The following ZFPM1 variants were observed in gnomAD, a reference collection of about 807,000 sequenced individuals.
ZFPM1 encodes the protein zinc finger protein ZFPM1.
A neutral mutation model predicts 46.3 loss-of-function variants in ZFPM1; 28 were observed. That is an observed-to-expected ratio of 0.60 (90% CI 0.45 to 0.83). ZFPM1 has a LOEUF of 0.83. Among genes scored for constraint, ZFPM1 ranks in the 40% least tolerant of loss-of-function variants. ZFPM1 has a pLI of 0.00. For missense variants in ZFPM1, 1,878 were observed against 1,432.4 expected (o/e 1.31, Z -5.02); for synonymous variants, 957 against 675.9 (o/e 1.42, Z -6.45).
rs1212610480 is a variant in ZFPM1 at position 88,480,127 on chromosome 16, T to C, written c.41-5812T>C. Among the ~76,000 whole-genome samples, 1 of 151,822 alleles carries C rather than the reference T, an allele frequency of 6.6e-6. No individual in the cohort carries two copies. Among genetic ancestry groups the C allele is most frequent in the Non-Finnish European group, 1.5e-5 (1 of 67,970 alleles). On this transcript the variant is annotated intron_variant, in intron 1 of 9. Coordinates refer to ENST00000319555, the MANE Select transcript of ZFPM1 (RefSeq NM_153813.3). The surrounding 1 kb of genome is among the most constrained non-coding windows in gnomAD (Gnocchi z 4.9). ...CCAGCCTCAGCTCCTGCTGTTCCTT[T>C]CTCCTGGAGCGCTTTTCCCTGGACC...
intron 3 of ZFPM1, among the ~76,000 whole-genome samples, chr16:88,495,401 G>A (rs1391331395): frequency 6.6e-6 from 1 of 152,246 alleles, no homozygotes; most frequent in Non-Finnish European, 1.5e-5. Flanking sequence ...GGGCTCAGAG[G>A]AAAGCTTCTC....
intron 3 of ZFPM1, among the ~76,000 whole-genome samples, chr16:88,492,685 G>A (rs1193686248): frequency 6.6e-6 from 1 of 152,246 alleles, no homozygotes; most frequent in Non-Finnish European, 1.5e-5. Flanking sequence ...GAAGGTGGAC[G>A]GTGTTAGCCC....
chr16:88,512,878 G>A (rs1236379592), intron 3 of ZFPM1: 1 of 152,232 alleles, frequency 6.6e-6, no homozygotes, highest in Non-Finnish European at 1.5e-5. Context: ...TCACACGCAG[G>A]GGTGCCCCTG....
chr16:88,534,954 C>G lies in ZFPM1; in HGVS notation c.2996C>G (p.Ser999Trp). 1 of 1,506,108 alleles carries G rather than the reference C, an allele frequency of 6.6e-7. No individual in the cohort carries two copies. The highest frequency in any genetic ancestry group is 8.9e-7 in the Non-Finnish European group (1 of 1,121,066). The allele number at this position is 1,506,108 out of a possible 1,614,324, so 93.3% of individuals were successfully genotyped here. A position where few individuals can be genotyped will look rare whatever the true frequency, so the allele number is the denominator to read the frequency against. ...FIAHKKYYCS[S>W]HAAEHVK ...GCCCACAAGAAGTATTACTGCTCCT[C>G]GCACGCCGCCGAGCACGTGAAGTGA... Residue 999 changes from serine to tryptophan, a missense_variant, in exon 10 of 10, where the codon TCG (serine) becomes TGG (tryptophan). By Grantham distance (177) the Ser-to-Trp change is radical (BLOSUM62 -3). Transcript: ENST00000319555.
At chr16:88,463,216 G>T in intron 1 of ZFPM1, among the ~76,000 whole-genome samples, 1 of 152,250 alleles carries the variant, frequency 6.6e-6, no homozygotes, top group East Asian at 1.9e-4. Flanking sequence ...CTGCTGGGTA[G>T]TCCTCCGGGG....
rs1244862865 is a variant in ZFPM1 at position 88,480,333 on chromosome 16, C to T, written c.41-5606C>T. On this transcript the variant is annotated intron_variant, in intron 1 of 9. Transcript: ENST00000319555. This position sits in a 1 kb window ranked among gnomAD's most constrained non-coding sequence, Gnocchi z 4.9. ...TCTGGCACCTCGTGAGGGTGGGGCACGCCAAGGGCTCAGGAAGGGGAAAGG... is the reference window on the plus strand; with the variant it reads ...TCTGGCACCTCGTGAGGGTGGGGCATGCCAAGGGCTCAGGAAGGGGAAAGG... Among the ~76,000 whole-genome samples, 3 of 152,020 alleles carry T rather than the reference C, an allele frequency of 2.0e-5. No homozygotes were observed. The highest frequency in any genetic ancestry group is 1.9e-4 in the East Asian group (1 of 5,176).
At chr16:88,474,340 G>C (rs1908575339) in intron 1 of ZFPM1, among the ~76,000 whole-genome samples, 1 of 152,232 alleles carries the variant, frequency 6.6e-6, no homozygotes, top group East Asian at 1.9e-4. Flanking sequence ...GAGGTGGCCA[G>C]AGCTGGGGGG....
intron 1 of ZFPM1, among the ~76,000 whole-genome samples, chr16:88,460,936 TGGTGATGACCGAGGGGC>T (rs1567525372): frequency 8.5e-4 from 39 of 46,108 alleles, no homozygotes; most frequent in African/African-American, 3.7e-3. Context: ...GCGGGAGGCC[TGGTGATGACCGAGGGGC>T]GGGGCGGGAG....
At position 88,532,939 on chromosome 16, in the gene ZFPM1, A is replaced by T. The variant is rs1567556954; in HGVS notation, c.1189+4A>T. The T allele has an allele frequency of 3.1e-6, 5 of 1,612,764 alleles. No homozygotes were observed. The highest frequency in any genetic ancestry group is 4.2e-6 in the Non-Finnish European group (5 of 1,179,900). On this transcript the variant is annotated splice_donor_region_variant and intron_variant, in intron 9 of 9. Transcript: ENST00000319555. ...CCAGCAACCAAGCTGCCCCCAGGTG[A>T]GCAGCCCTGTGGGGGCCACCCCTGC...
chr16:88,504,702 G>A (rs568758158), intron 3 of ZFPM1, among the ~76,000 whole-genome samples: 7 of 152,292 alleles, frequency 4.6e-5, no homozygotes, highest in African/African-American at 1.7e-4. Flanking sequence ...TGCCCCAGAC[G>A]GGGCCAAGGT....
intron 3 of ZFPM1, among the ~76,000 whole-genome samples, chr16:88,494,419 G>C (rs763987352): frequency 6.6e-6 from 1 of 152,128 alleles, no homozygotes; most frequent in South Asian, 2.1e-4. Context: ...GTTGCAGTGC[G>C]GCCCCGCTGT....
Position 88,534,004 on chromosome 16 carries a change from C to G in ZFPM1, c.2046C>G (p.Arg682=). The change falls in exon 10 of 10, where the codon CGC becomes CGG. Residue 682 remains arginine, a synonymous_variant. Transcript: ENST00000319555. ...SVDDAEDDPS[R]TLCEACNIRF... Reference sequence around the variant, plus strand: ...ACGACGCGGAGGACGACCCCAGCCGCACGCTGTGCGAGGCCTGCAACATCC... The same window carrying G: ...ACGACGCGGAGGACGACCCCAGCCGGACGCTGTGCGAGGCCTGCAACATCC... 2 of 1,379,060 alleles carry G rather than the reference C, an allele frequency of 1.5e-6. No individual in the cohort carries two copies. The highest frequency in any genetic ancestry group is 1.9e-6 in the Non-Finnish European group (2 of 1,050,934). The allele number at this position is 1,379,060 out of a possible 1,614,324, so 85.4% of individuals were successfully genotyped here.
chr16:88,520,591 A>T (rs568392910), intron 4 of ZFPM1, among the ~76,000 whole-genome samples: 2,173 of 66,438 alleles, frequency 0.033, 50 homozygotes, highest in East Asian at 0.093. Context: ...GATGGATGGG[A>T]GGGTGAGTGG....
intron 1 of ZFPM1, among the ~76,000 whole-genome samples, chr16:88,482,947 CGGT>C (rs1909021096): frequency 6.6e-6 from 1 of 152,198 alleles, no homozygotes; most frequent in African/African-American, 2.4e-5. Flanking sequence ...GGGGAGGCCT[CGGT>C]GGCTGCTTTT....
At chr16:88,526,397 C>G (rs1056474474) in intron 4 of ZFPM1, among the ~76,000 whole-genome samples, 1 of 152,192 alleles carries the variant, frequency 6.6e-6, no homozygotes, top group African/African-American at 2.4e-5. Context: ...CCTGTGGGAA[C>G]AGCGGTTTCA....
chr16:88,501,163 AGATAGCAGACATGGG>A, intron 3 of ZFPM1, among the ~76,000 whole-genome samples: 1 of 127,264 alleles, frequency 7.9e-6, no homozygotes, highest in African/African-American at 2.8e-5. Context: ...GTGATGATGG[AGATAGCAGACATGGG>A]TGCGGGGGCC....
intron 4 of ZFPM1, among the ~76,000 whole-genome samples, chr16:88,524,077 A>G (rs1224200286): frequency 6.6e-6 from 1 of 152,212 alleles, no homozygotes; most frequent in Non-Finnish European, 1.5e-5. Flanking sequence ...TGTCAGTCTC[A>G]GTTTGAGGGT....
At chr16:88,455,960 C>A (rs1216743695) in intron 1 of ZFPM1, among the ~76,000 whole-genome samples, 1 of 152,164 alleles carries the variant, frequency 6.6e-6, no homozygotes, top group East Asian at 1.9e-4. Context: ...GCCGGTCGGC[C>A]CGATGGCGAT....
intron 3 of ZFPM1, among the ~76,000 whole-genome samples, chr16:88,500,135 C>T (rs975332206): frequency 1.8e-4 from 28 of 152,176 alleles, no homozygotes; most frequent in African/African-American, 6.5e-4. Context: ...CGGCCATCCC[C>T]CACCACCAGC....
Sources: gnomAD v4.1 joint callset for allele counts (sites outside exome capture counted in the v4.1 genomes callset) on GRCh38, gnomAD v4.1.1 for gene constraint, Gnocchi (gnomAD v3.1) non-coding constraint, MANE v1.5 for transcripts, NCBI Gene and HGNC (gene_info 2026-07-23, HGNC 2026-07-21) for gene names.